The following TOM1 variants were observed in gnomAD, a reference collection of about 807,000 sequenced individuals.
TOM1 encodes target of myb1 membrane trafficking protein.
A neutral mutation model predicts 61.3 loss-of-function variants in TOM1; 38 were observed. The observed-to-expected ratio is 0.62, with a 90% CI of 0.48 to 0.81. TOM1 has a LOEUF of 0.81. TOM1 is among the 40% of genes least tolerant of loss of function. The probability of loss-of-function intolerance (pLI) is 0.00; values close to 1 mark genes in which losing one functional copy is unlikely to be tolerated. For missense variants in TOM1, 591 were observed against 659.6 expected (o/e 0.90, Z 1.14); for synonymous variants, 270 against 268.8 (o/e 1.00, Z -0.04).
At chr22:35,343,297 ACAC>A (rs1227445954) in intron 12 of TOM1, among the ~76,000 whole-genome samples, 5 of 145,364 alleles carry the variant, frequency 3.4e-5, no homozygotes, top group African/African-American at 1.0e-4. Flanking sequence ...ACAGCCCTAC[ACAC>A]CACACCTACA....
intron 7 of TOM1, 83 bp from the exon 8 acceptor site, chr22:35,330,264 A>C (rs754719274): frequency 3.1e-5 from 44 of 1,431,566 alleles, no homozygotes; most frequent in Non-Finnish European, 3.9e-5. Context: ...CCTGGGCGAC[A>C]GAGCTCCGTC....
intron 1 of TOM1, among the ~76,000 whole-genome samples, chr22:35,315,345 AGAG>A (rs1927186186): frequency 6.6e-6 from 1 of 152,104 alleles, no homozygotes; most frequent in South Asian, 2.1e-4. Context: ...GGCCTGTGGC[AGAG>A]GAGCAGGTTC....
chr22:35,338,834 G>C, intron 12 of TOM1, 46 bp downstream of exon 12: 1 of 1,508,758 alleles, frequency 6.6e-7, no homozygotes. Flanking sequence ...TCCTGAAGGA[G>C]GTGAGGGAAT....
intron 8 of TOM1, among the ~76,000 whole-genome samples, chr22:35,330,897 G>A (rs907820506): frequency 1.3e-5 from 2 of 152,164 alleles, no homozygotes; most frequent in Non-Finnish European, 1.5e-5. Flanking sequence ...GAATTTGTTA[G>A]GATAATAATC....
At chr22:35,321,627 G>A in intron 2 of TOM1, 1 of 448,164 alleles carries the variant, frequency 2.2e-6, no homozygotes, top group Non-Finnish European at 4.5e-6. Flanking sequence ...TTGAACTCCT[G>A]GCCTCAAGTG....
intron 2 of TOM1, 136 bp from the exon 3 acceptor site, chr22:35,321,823 G>A (rs758279472): frequency 4.9e-6 from 4 of 816,610 alleles, no homozygotes; most frequent in Non-Finnish European, 2.2e-6. Context: ...GATGTGATCA[G>A]AACCTGGCTG....
At position 35,307,991 on chromosome 22, in the gene TOM1, C is replaced by T. The variant is rs1190681885; in HGVS notation, c.52+8011C>T. On this transcript the variant is annotated intron_variant, in intron 1 of 14. Transcript: ENST00000449058. ...AGACCCGCGTAAAGCGTATTGCCCT[C>T]AATAACATGGGTGGGCCTCGTCCAA... Among the ~76,000 whole-genome samples, 5 of 152,294 alleles carry T rather than the reference C, an allele frequency of 3.3e-5. No individual in the cohort carries two copies. In the South Asian group the frequency reaches 1.0e-3, roughly 32 times the overall value.
chr22:35,328,730 A>G (rs1157602777), intron 7 of TOM1, among the ~76,000 whole-genome samples: 1 of 152,204 alleles, frequency 6.6e-6, no homozygotes. Flanking sequence ...GGCAGGGGAC[A>G]GGGTCCACAT....
At chr22:35,315,985 C>T (rs566485966) in intron 1 of TOM1, among the ~76,000 whole-genome samples, 5 of 152,366 alleles carry the variant, frequency 3.3e-5, no homozygotes, top group African/African-American at 4.8e-5. Context: ...GGGGCACAGC[C>T]GTGAGGAGAG....
At chr22:35,321,309 C>A (rs1377877405) in intron 2 of TOM1, among the ~76,000 whole-genome samples, 1 of 151,342 alleles carries the variant, frequency 6.6e-6, no homozygotes, top group Non-Finnish European at 1.5e-5. Flanking sequence ...GAATTTGGTT[C>A]AGGTGGTCTA....
chr22:35,333,155 T>A, intron 9 of TOM1, 141 bp downstream of exon 9: 1 of 998,790 alleles, frequency 1.0e-6, no homozygotes, highest in African/African-American at 1.6e-5. Context: ...TCTAACTTTT[T>A]ATGTCCCTGT....
In TOM1 at chr22:35,338,700, G is replaced by A; in HGVS notation, c.1149-13G>A. On this transcript the variant is annotated splice_polypyrimidine_tract_variant and intron_variant, in intron 11 of 14. Transcript: ENST00000449058. ...AAGGGCAGCATCCAATGGCTTGGTG[G>A]TCTCTCTTTCAGGGTAAAATACGAA... is the stretch of plus-strand genomic sequence containing the variant. 1 of 1,545,900 alleles carries A rather than the reference G, an allele frequency of 6.5e-7. No individual in the cohort carries two copies.
intron 1 of TOM1, 88 bp from the exon 2 acceptor site, chr22:35,317,789 C>T: frequency 1.1e-6 from 1 of 943,266 alleles, no homozygotes. Context: ...TCTCATCCGG[C>T]CCTGCACCCC....
Position 35,323,385 on chromosome 22 carries a change from T to TA in TOM1, c.367-96dup, listed in dbSNP as rs77565301. The TA allele has an allele frequency of 0.083, 107,098 of 1,291,740 alleles. 528 individuals carry two copies. The highest frequency in any genetic ancestry group is 0.16 in the Admixed American group (7,000 of 44,634). The allele number at this position is 1,291,740 out of a possible 1,614,324, so 80.0% of individuals were successfully genotyped here. On this transcript the variant is annotated intron_variant, in intron 4 of 14. Transcript: ENST00000449058. This position sits in a 1 kb window ranked among gnomAD's most constrained non-coding sequence, Gnocchi z 4.2. ...GTGGAGTGGGCAGGGCAGATGTAGTTAAAAAAAAAAAAAAAGCAGGGAAAG... is the reference window on the plus strand; with the variant it reads ...GTGGAGTGGGCAGGGCAGATGTAGTTAAAAAAAAAAAAAAAAGCAGGGAAAG...
intron 8 of TOM1, 80 bp downstream of exon 8, chr22:35,330,560 A>G: frequency 2.2e-6 from 3 of 1,393,922 alleles, no homozygotes; most frequent in Admixed American, 2.2e-5. Context: ...TCCTGGTCTC[A>G]TGCCATCTGA....
chr22:35,338,996 C>T (rs1172208531), intron 12 of TOM1, among the ~76,000 whole-genome samples: 2 of 152,200 alleles, frequency 1.3e-5, no homozygotes, highest in Non-Finnish European at 2.9e-5. Flanking sequence ...GGCCATTTGC[C>T]CAAGCCCACA....
chr22:35,338,702 C>G lies in TOM1; in HGVS notation c.1149-11C>G. The G allele has an allele frequency of 6.5e-7, 1 of 1,549,270 alleles. No homozygotes were observed. The highest frequency in any genetic ancestry group is 2.4e-5 in the East Asian group (1 of 41,222). On this transcript the variant is annotated splice_polypyrimidine_tract_variant and intron_variant, in intron 11 of 14. Coordinates refer to ENST00000449058, the MANE Select transcript of TOM1 (RefSeq NM_005488.3). ...GGGCAGCATCCAATGGCTTGGTGGTCTCTCTTTCAGGGTAAAATACGAAGC... is the reference window on the plus strand; with the variant it reads ...GGGCAGCATCCAATGGCTTGGTGGTGTCTCTTTCAGGGTAAAATACGAAGC...
At chr22:35,345,525 G>GGTTAGTCTTA in intron 12 of TOM1, 200 bp from the exon 13 acceptor site, 2 of 609,890 alleles carry the variant, frequency 3.3e-6, no homozygotes, top group Non-Finnish European at 5.9e-6. Flanking sequence ...CTGGGAGCCT[G>GGTTAGTCTTA]GTCCCCTGCT....
intron 11 of TOM1, among the ~76,000 whole-genome samples, chr22:35,338,378 G>C (rs1929567492): frequency 6.6e-6 from 1 of 152,198 alleles, no homozygotes; most frequent in Non-Finnish European, 1.5e-5. Context: ...ATCTGCTCAA[G>C]AAAGGGTCTG....
Sources: gnomAD v4.1 joint callset for allele counts (sites outside exome capture counted in the v4.1 genomes callset) on GRCh38, gnomAD v4.1.1 for gene constraint, Gnocchi (gnomAD v3.1) non-coding constraint, MANE v1.5 for transcripts, NCBI Gene and HGNC (gene_info 2026-07-23, HGNC 2026-07-21) for gene names.